POGZ: variants seen among roughly 807,000 people sequenced by gnomAD.
POGZ encodes pogo transposable element derived with ZNF domain.
Under a neutral mutation model 134.6 loss-of-function variants are expected in POGZ, and 17 were observed. The ratio of observed to expected loss-of-function variants is 0.13; its 90% CI spans 0.09 to 0.19. POGZ has a LOEUF of 0.19. Ranked by LOEUF, POGZ falls within the 10% of genes least tolerant of loss-of-function variation. The pLI is 1.00. For synonymous variants in POGZ, 693 were observed against 657.1 expected, an observed-to-expected ratio of 1.05 and a Z score of -0.84; for missense variants, 1,306 against 1,769.7, an observed-to-expected ratio of 0.74 and a Z score of 4.70.
intron 1 of POGZ, among the ~76,000 whole-genome samples, chr1:151,448,469 T>C (rs1661576912): frequency 6.6e-6 from 1 of 152,066 alleles, no homozygotes; most frequent in Admixed American, 6.6e-5. Flanking sequence ...AAAAAATTAT[T>C]TTAAAAAGAT....
chr1:151,407,317 A>G (rs375340671), intron 15 of POGZ, 26 bp from the exon 16 acceptor site: 334 of 1,541,742 alleles, frequency 2.2e-4, no homozygotes, highest in Non-Finnish European at 2.9e-4. Flanking sequence ...AAGTGGTATG[A>G]GTTACGGAGT....
chr1:151,414,919 A>C (rs1439315822), intron 10 of POGZ, among the ~76,000 whole-genome samples: 1 of 152,210 alleles, frequency 6.6e-6, no homozygotes, highest in Non-Finnish European at 1.5e-5. Flanking sequence ...AATACAGAAA[A>C]AGATTCAAGA....
In POGZ at chr1:151,403,659, G is replaced by T; in HGVS notation, c.*1143C>A. The T allele has an allele frequency of 1.0e-6, 1 of 985,718 alleles. No individual in the cohort carries two copies. Among genetic ancestry groups the T allele is most frequent in the Non-Finnish European group, 1.2e-6 (1 of 829,814 alleles). 61.1% of individuals were successfully genotyped at this position (985,718 alleles called of 1,614,324 possible). ...TCATTTTCTTTGTGCACACCCCTGTGCGCTTCTTCCTGTCAGATTCTTCCC... is the reference window on the plus strand; with the variant it reads ...TCATTTTCTTTGTGCACACCCCTGTTCGCTTCTTCCTGTCAGATTCTTCCC... On this transcript the variant is annotated 3_prime_UTR_variant, in exon 19 of 19. Coordinates refer to ENST00000271715, the MANE Select transcript of POGZ (RefSeq NM_015100.4).
chr1:151,406,310 G>C lies in POGZ; in HGVS notation c.2725C>G (p.Pro909Ala), dbSNP rs1375901858. The C allele has an allele frequency of 2.5e-6, 4 of 1,610,310 alleles. No individual in the cohort carries two copies. The highest frequency in any genetic ancestry group is 1.3e-5 in the African/African-American group (1 of 74,834). ...GGGGTTGCAGTTGAGGCTGGTGATG[G>C]GAGTGCTGGGGCTAAGGGAGTTAGT... ...ELLTPLAPAL[P>A]SPASTATPPP... The change falls in exon 19 of 19, where the codon CCA (proline) becomes GCA (alanine). Residue 909 changes from proline (P) to alanine (A), a missense_variant. By Grantham distance (27) the Pro-to-Ala change is conservative (BLOSUM62 -1). Around this residue, in one of 10 missense-constraint regions of POGZ, gnomAD observed 214 missense variants for 255.5 expected, o/e 0.84. Transcript: ENST00000271715.
intron 1 of POGZ, among the ~76,000 whole-genome samples, chr1:151,456,268 A>C (rs1662761709): frequency 6.6e-6 from 1 of 152,178 alleles, no homozygotes; most frequent in Non-Finnish European, 1.5e-5. Flanking sequence ...AAAATATTGC[A>C]GTCCTTAACC....
intron 3 of POGZ, among the ~76,000 whole-genome samples, chr1:151,439,441 C>A (rs138265402): frequency 6.6e-6 from 1 of 152,040 alleles, no homozygotes; most frequent in Non-Finnish European, 1.5e-5. Context: ...GGCAACAATG[C>A]GGGGAAAGAG....
Position 151,457,665 on chromosome 1 carries a change from G to A in POGZ, c.-2+1487C>T, listed in dbSNP as rs544366737. On this transcript the variant is annotated intron_variant, in intron 1 of 18. Transcript: ENST00000271715. ...AACCCGGCCGGGCGCGGTGGCTGAC[G>A]CCTGTAATCCCAGCACTTTGGGAGG... Among the ~76,000 whole-genome samples, 207 of 152,300 alleles carry A rather than the reference G, an allele frequency of 1.4e-3. 2 individuals carry two copies. The highest frequency in any genetic ancestry group is 2.3e-3 in the South Asian group (11 of 4,830).
At chr1:151,424,859 T>G in intron 8 of POGZ, 96 bp downstream of exon 8, 1 of 675,088 alleles carries the variant, frequency 1.5e-6, no homozygotes. Context: ...TTTAAAAAGC[T>G]TCAGTCATTT....
rs746222547 is a variant in POGZ at position 151,406,153 on chromosome 1, C to G, written c.2882G>C (p.Gly961Ala). ...VTQEPELASG[G>A]GGSGGVGKKE... ...TTTGCCAACTCCACCACTACCACCA[C>G]CACCTGATGCTAGCTCAGGTTCTTG... The change falls in exon 19 of 19, where the codon GGT (glycine) becomes GCT (alanine). Residue 961 changes from glycine to alanine, a missense_variant. By Grantham distance (60) the Gly-to-Ala change is moderately conservative (BLOSUM62 0). Around this residue, in one of 10 missense-constraint regions of POGZ, gnomAD observed 214 missense variants for 255.5 expected, o/e 0.84. Transcript: ENST00000271715. The G allele has an allele frequency of 6.2e-7, 1 of 1,614,226 alleles. No individual in the cohort carries two copies. The highest frequency in any genetic ancestry group is 1.7e-5 in the Admixed American group (1 of 60,034).
Position 151,404,914 on chromosome 1 carries a change from G to A in POGZ, c.4121C>T (p.Ser1374Phe), listed in dbSNP as rs374207073. The change falls in exon 19 of 19, where the codon TCT becomes TTT. Residue 1374 changes from serine (S) to phenylalanine (F), a missense_variant. Physicochemically the swap from Ser to Phe is radical, Grantham distance 155. Around this residue, in one of 10 missense-constraint regions of POGZ, gnomAD observed 107 missense variants for 97.9 expected, o/e 1.09. Coordinates refer to ENST00000271715, the MANE Select transcript of POGZ (RefSeq NM_015100.4). ...SESSTPRPRSSPEETIEPESL... is the reference protein window; with the variant it reads ...SESSTPRPRSFPEETIEPESL... ...TTCAGGCTCAATTGTCTCTTCAGGAGATGATCTGGGTCGTGGAGTGGAAGA... is the reference window on the plus strand; with the variant it reads ...TTCAGGCTCAATTGTCTCTTCAGGAAATGATCTGGGTCGTGGAGTGGAAGA... 2.5e-6 allele frequency: 4 copies of A among 1,614,074 alleles called. No homozygotes were observed. Among genetic ancestry groups the A allele is most frequent in the Non-Finnish European group, 3.4e-6 (4 of 1,180,058 alleles).
At chr1:151,406,560 A>G in intron 18 of POGZ, 47 bp downstream of exon 18, 1 of 1,591,962 alleles carries the variant, frequency 6.3e-7, no homozygotes, top group Non-Finnish European at 8.6e-7. Context: ...TAACAGAGTA[A>G]ACACACTGCA....
intron 10 of POGZ, among the ~76,000 whole-genome samples, chr1:151,417,188 C>T (rs1446525521): frequency 6.6e-6 from 1 of 151,218 alleles, no homozygotes; most frequent in African/African-American, 2.4e-5. Context: ...CTAAGCCTCC[C>T]GAATAGCTGG....
intron 5 of POGZ, 26 bp downstream of exon 5, chr1:151,429,577 C>G: frequency 1.6e-6 from 2 of 1,225,224 alleles, no homozygotes; most frequent in Non-Finnish European, 1.2e-6. Context: ...CCAGTTTATT[C>G]CAAATGGATA....
chr1:151,430,350 A>G lies in POGZ; in HGVS notation c.459+316T>C, dbSNP rs566612386. The stretch of plus-strand genomic sequence containing the variant: ...TAATTCATCCCATGTGAAGAGGAGC[A>G]GTCCACGCAAAGGGTGAAAAGCCTC... On this transcript the variant is annotated intron_variant, in intron 4 of 18. Transcript: ENST00000271715. 5.3e-5 allele frequency among the ~76,000 whole-genome samples: 8 copies of G among 152,348 alleles called. No homozygotes were observed. The South Asian group carries it at 1.7e-3, about 32-fold the overall frequency.
chr1:151,453,733 G>A (rs1486407232), intron 1 of POGZ, among the ~76,000 whole-genome samples: 1 of 152,056 alleles, frequency 6.6e-6, no homozygotes, highest in African/African-American at 2.4e-5. Flanking sequence ...CCATAATATG[G>A]GAGTACCAGA....
chr1:151,454,938 T>A (rs1042521868), intron 1 of POGZ: 1 of 152,126 alleles, frequency 6.6e-6, no homozygotes, highest in African/African-American at 2.4e-5. Flanking sequence ...TGAAACCCCA[T>A]CTCTAGAAAA....
At chr1:151,419,098 A>G (rs1656361019) in intron 10 of POGZ, among the ~76,000 whole-genome samples, 1 of 151,712 alleles carries the variant, frequency 6.6e-6, no homozygotes, top group Non-Finnish European at 1.5e-5. Context: ...TCATGCCTAT[A>G]ATCCCAGCAC....
intron 10 of POGZ, among the ~76,000 whole-genome samples, chr1:151,414,161 C>T (rs1655210849): frequency 6.6e-6 from 1 of 152,114 alleles, no homozygotes; most frequent in South Asian, 2.1e-4. Flanking sequence ...CTCAGCCAGC[C>T]AGAGAGAGGA....
At chr1:151,432,652 T>C (rs1658888453) in intron 3 of POGZ, among the ~76,000 whole-genome samples, 1 of 152,190 alleles carries the variant, frequency 6.6e-6, no homozygotes, top group Non-Finnish European at 1.5e-5. Context: ...ATTATCAATG[T>C]ATGGCAAGTC....
Sources: allele counts gnomAD v4.1 joint callset (sites outside exome capture counted in the v4.1 genomes callset), GRCh38; gene constraint gnomAD v4.1.1; regional missense constraint gnomAD v4.1.1; transcripts MANE v1.5; gene names NCBI Gene and HGNC (gene_info 2026-07-23, HGNC 2026-07-21).